Variants in FCGR2A observed in about 807,000 individuals in gnomAD.
FCGR2A encodes the protein low affinity immunoglobulin gamma Fc region receptor II-a.
FCGR2A carries 18 observed loss-of-function variants against 29.3 expected under a neutral mutation model. The ratio of observed to expected loss-of-function variants is 0.62; its 90% CI spans 0.43 to 0.91. FCGR2A has a LOEUF of 0.91. Among genes scored for constraint, FCGR2A ranks in the 40% least tolerant of loss-of-function variants. FCGR2A has a pLI of 0.00. For missense variants in FCGR2A, 287 were observed against 393.0 expected (o/e 0.73, Z 2.28); for synonymous variants, 126 against 144.8 (o/e 0.87, Z 0.93).
downstream of FCGR2A, chr1:161,523,902 A>C (rs953700217): frequency 3.9e-5 from 6 of 152,036 alleles, no homozygotes; most frequent in Non-Finnish European, 7.4e-5. Context: ...GAATTCTACC[A>C]CTGAACCACC....
chr1:161,521,722 G>A (rs1207576408), downstream of FCGR2A, among the ~76,000 whole-genome samples: 1 of 151,890 alleles, frequency 6.6e-6, no homozygotes, highest in Non-Finnish European at 1.5e-5. Flanking sequence ...CCCTGCACAA[G>A]CTCTCTCTTC....
intron 3 of FCGR2A, among the ~76,000 whole-genome samples, chr1:161,507,481 T>C (rs1333754000): frequency 6.6e-6 from 1 of 152,246 alleles, no homozygotes; most frequent in Non-Finnish European, 1.5e-5. Flanking sequence ...TCTATTGTTG[T>C]TTACTTGAGC....
intron 3 of FCGR2A, among the ~76,000 whole-genome samples, chr1:161,507,712 A>G (rs1557829492): frequency 1.3e-5 from 2 of 152,238 alleles, no homozygotes; most frequent in South Asian, 2.1e-4. Context: ...TAATGACATC[A>G]TAGCTCCTCT....
intron 3 of FCGR2A, among the ~76,000 whole-genome samples, chr1:161,507,800 T>C (rs991138994): frequency 6.6e-6 from 1 of 152,076 alleles, no homozygotes; most frequent in Non-Finnish European, 1.5e-5. Context: ...ATAATAAAAA[T>C]TGAGGGCTGG....
intron 6 of FCGR2A, 70 bp downstream of exon 6, chr1:161,514,002 C>T: frequency 6.8e-6 from 11 of 1,609,480 alleles, no homozygotes; most frequent in Non-Finnish European, 9.4e-6. Flanking sequence ...TCATTTTTGC[C>T]TTTGTTAATG....
intron 4 of FCGR2A, chr1:161,510,439 T>G (rs2102468778): frequency 4.1e-6 from 2 of 482,750 alleles, no homozygotes; most frequent in African/African-American, 1.9e-5. Flanking sequence ...AGCCATTCAC[T>G]CCAGAAAGCC....
intron 6 of FCGR2A, among the ~76,000 whole-genome samples, chr1:161,515,040 G>A (rs1167427561): frequency 2.6e-5 from 4 of 152,278 alleles, no homozygotes; most frequent in African/African-American, 9.6e-5. Flanking sequence ...CCTTACCAGA[G>A]ATGACTTAAA....
chr1:161,512,633 A>G (rs1675875321), intron 5 of FCGR2A, among the ~76,000 whole-genome samples: 1 of 150,542 alleles, frequency 6.6e-6, no homozygotes, highest in Non-Finnish European at 1.5e-5. Context: ...TCAGAGCATA[A>G]AGGAAACCAG....
chr1:161,511,756 T>C (rs114926793), intron 5 of FCGR2A, among the ~76,000 whole-genome samples: 10,232 of 152,116 alleles, frequency 0.067, 704 homozygotes, highest in African/African-American at 0.17. Flanking sequence ...CTCCTGTGTG[T>C]CCCTCCCAGC....
At position 161,511,015 on chromosome 1, in the gene FCGR2A, C is replaced by A; in HGVS notation, c.742+59C>A. 1.9e-6 allele frequency: 3 copies of A among 1,612,582 alleles called. No individual in the cohort carries two copies. In the South Asian group the frequency reaches 3.3e-5, roughly 18 times the overall value. On this transcript the variant is annotated intron_variant, in intron 5 of 6. Transcript: ENST00000271450. ...GTTTCCATTTGGCCCAGGGCCTAAC[C>A]CCAGACATTGCCAGAATCCCGCTCT... is the stretch of plus-strand genomic sequence containing the variant.
intron 2 of FCGR2A, 135 bp from the exon 3 acceptor site, chr1:161,506,199 G>C (rs1675377420): frequency 7.5e-7 from 1 of 1,337,570 alleles, no homozygotes; most frequent in South Asian, 1.3e-5. Flanking sequence ...AGGGAATGAG[G>C]CCGCTGCAAG....
chr1:161,512,226 G>C (rs973826147), intron 5 of FCGR2A, among the ~76,000 whole-genome samples: 1 of 148,216 alleles, frequency 6.7e-6, no homozygotes, highest in African/African-American at 2.5e-5. Context: ...GGGAAAGGAG[G>C]AGGAGGCCTG....
At chr1:161,505,890 A>G in intron 1 of FCGR2A, 97 bp from the exon 2 acceptor site, 1 of 1,198,462 alleles carries the variant, frequency 8.3e-7, no homozygotes, top group Non-Finnish European at 1.2e-6. Context: ...TGGAGAAGGA[A>G]GAGCCCAAGC....
intron 3 of FCGR2A, among the ~76,000 whole-genome samples, chr1:161,506,908 T>G (rs1675451235): frequency 6.6e-6 from 1 of 152,148 alleles, no homozygotes. Context: ...AAAACTACCC[T>G]CCTCCTGTGG....
At chr1:161,523,559 A>G (rs1331997786), downstream of FCGR2A, 1 of 152,040 alleles carries the variant, frequency 6.6e-6, no homozygotes, top group African/African-American at 2.4e-5. Context: ...TCTGGAGACG[A>G]GGCTCCTCGG....
intron 6 of FCGR2A, among the ~76,000 whole-genome samples, 174 bp downstream of exon 6, chr1:161,514,106 A>G (rs938901081): frequency 6.6e-6 from 1 of 152,204 alleles, no homozygotes; most frequent in Non-Finnish European, 1.5e-5. Context: ...AACTGCAAAC[A>G]TAAGTGAAAC....
chr1:161,513,770 G>T (rs1336842617), intron 5 of FCGR2A, 125 bp from the exon 6 acceptor site: 101 of 1,398,102 alleles, frequency 7.2e-5, no homozygotes, highest in Non-Finnish European at 9.6e-5. Flanking sequence ...GGCCTTACAG[G>T]ACTGTGTCAA....
At chr1:161,516,474 C>G (rs1390747559) in intron 6 of FCGR2A, among the ~76,000 whole-genome samples, 1 of 151,914 alleles carries the variant, frequency 6.6e-6, no homozygotes, top group Non-Finnish European at 1.5e-5. Context: ...TTCTCAATTA[C>G]TAGATAGTTT....
At position 161,518,790 on chromosome 1, in the gene FCGR2A, A is replaced by AT. The variant is rs61448362; in HGVS notation, c.*654dup. The AT allele has an allele frequency of 3.5e-4, 52 of 148,874 alleles. No homozygotes were observed. The highest frequency in any genetic ancestry group is 1.4e-3 in the South Asian group (7 of 5,066). 9.2% of individuals were successfully genotyped at this position (148,874 alleles called of 1,614,324 possible). A position where few individuals can be genotyped will look rare whatever the true frequency, so the allele number is the denominator to read the frequency against. On this transcript the variant is annotated 3_prime_UTR_variant, in exon 7 of 7. Transcript: ENST00000271450. ...TACCCAGCTAATTTTTGTATTTTTT[A>AT]TTTTTTTTTTTTAGTAGAGACAGGG...
Sources: gnomAD v4.1 joint callset for allele counts (sites outside exome capture counted in the v4.1 genomes callset) on GRCh38, gnomAD v4.1.1 for gene constraint, MANE v1.5 for transcripts, NCBI Gene and HGNC (gene_info 2026-07-23, HGNC 2026-07-21) for gene names.